CERS6: variants seen among roughly 807,000 people sequenced by gnomAD.
The protein encoded by CERS6 is ceramide synthase 6.
In CERS6, 26 loss-of-function variants were observed where a neutral mutation model predicts 56.8. The ratio of observed to expected loss-of-function variants is 0.46; its 90% CI spans 0.34 to 0.63. The LOEUF (loss-of-function observed/expected upper bound fraction) is 0.63. CERS6 is among the 30% of genes least tolerant of loss of function. The probability of loss-of-function intolerance (pLI) is 0.01; values close to 1 mark genes in which losing one functional copy is unlikely to be tolerated. For missense variants in CERS6, 415 were observed against 467.5 expected (o/e 0.89, Z 1.04); for synonymous variants, 164 against 173.3 (o/e 0.95, Z 0.42).
intron 4 of CERS6, among the ~76,000 whole-genome samples, chr2:168,653,978 A>G (rs867121535): frequency 1.3e-5 from 2 of 152,186 alleles, no homozygotes; most frequent in African/African-American, 2.4e-5. Context: ...GTCTCCCTCA[A>G]TATATAATCT....
At chr2:168,581,126 C>T (rs530355466) in intron 3 of CERS6, among the ~76,000 whole-genome samples, 1 of 151,866 alleles carries the variant, frequency 6.6e-6, no homozygotes, top group South Asian at 2.1e-4. Flanking sequence ...TCAAGCAATT[C>T]TCCTGCCTCA....
Position 168,703,473 on chromosome 2 carries a change from A to G in CERS6, c.609+8422A>G, listed in dbSNP as rs573569797. On this transcript the variant is annotated intron_variant, in intron 6 of 9. Transcript: ENST00000305747. ...CTCAGGAGGCTGAGGCAGGAGAATC[A>G]CTTGAACCCGAGAGGCGGAGATTGC... 2.5e-3 allele frequency among the ~76,000 whole-genome samples: 382 copies of G among 152,050 alleles called. 1 individual carries two copies. The highest frequency in any genetic ancestry group is 8.7e-3 in the African/African-American group (358 of 41,366).
chr2:168,757,505 C>T (rs1475617942), intron 8 of CERS6, among the ~76,000 whole-genome samples: 1 of 152,072 alleles, frequency 6.6e-6, no homozygotes, highest in Admixed American at 6.6e-5. Flanking sequence ...GCTAAGAATA[C>T]AGATAGAACT....
intron 6 of CERS6, among the ~76,000 whole-genome samples, chr2:168,712,671 A>G (rs1258286720): frequency 6.6e-6 from 1 of 152,176 alleles, no homozygotes; most frequent in African/African-American, 2.4e-5. Flanking sequence ...ACTAATTTTT[A>G]CAATCTGTAA....
chr2:168,575,390 C>T (rs193289174), intron 3 of CERS6, among the ~76,000 whole-genome samples: 5 of 152,074 alleles, frequency 3.3e-5, no homozygotes, highest in East Asian at 3.9e-4. Flanking sequence ...AAGGCAGGCA[C>T]GTCTTACATG....
chr2:168,687,636 GA>G (rs1686386335), intron 4 of CERS6, among the ~76,000 whole-genome samples: 1 of 152,178 alleles, frequency 6.6e-6, no homozygotes, highest in South Asian at 2.1e-4. Flanking sequence ...TTAAATCTGT[GA>G]AATGTTTTAT....
At chr2:168,484,167 GTTTTTTTTTTTTTTTTTT>G (rs34492119) in intron 1 of CERS6, among the ~76,000 whole-genome samples, 57 of 51,614 alleles carry the variant, frequency 1.1e-3, no homozygotes, top group Admixed American at 2.6e-3. Context: ...TCTTTTTTCT[GTTTTTTTTTTTTTTTTTT>G]TTTTTTTTTT....
intron 3 of CERS6, among the ~76,000 whole-genome samples, chr2:168,577,675 G>A (rs1018500859): frequency 6.6e-6 from 1 of 152,192 alleles, no homozygotes; most frequent in Non-Finnish European, 1.5e-5. Context: ...GCATTCATTT[G>A]TGGTAACAGG....
At chr2:168,670,979 C>A (rs60261982) in intron 4 of CERS6, among the ~76,000 whole-genome samples, 1 of 83,260 alleles carries the variant, frequency 1.2e-5, no homozygotes, top group East Asian at 3.6e-4. Context: ...CCCCCCCCCC[C>A]CAGACGGAAG....
chr2:168,525,759 T>C (rs1156522448), intron 1 of CERS6, among the ~76,000 whole-genome samples: 1 of 152,244 alleles, frequency 6.6e-6, no homozygotes, highest in Non-Finnish European at 1.5e-5. Context: ...CTTACAATTA[T>C]CACACCATCA....
chr2:168,491,575 A>T (rs1694375113), intron 1 of CERS6, among the ~76,000 whole-genome samples: 3 of 151,766 alleles, frequency 2.0e-5, no homozygotes, highest in Admixed American at 6.6e-5. Flanking sequence ...GTAGAAACTG[A>T]CTCCTTAGGG....
At chr2:168,536,101 A>G (rs1370498269) in intron 1 of CERS6, among the ~76,000 whole-genome samples, 1 of 152,194 alleles carries the variant, frequency 6.6e-6, no homozygotes, top group Non-Finnish European at 1.5e-5. Context: ...AAGTGATCCT[A>G]AATTCAAGTG....
intron 6 of CERS6, among the ~76,000 whole-genome samples, chr2:168,714,035 C>T (rs965406366): frequency 3.9e-5 from 6 of 152,128 alleles, no homozygotes; most frequent in African/African-American, 1.4e-4. Flanking sequence ...CTGGGAAGTC[C>T]AAGATCAAGG....
chr2:168,542,059 G>C (rs548715381), intron 1 of CERS6, among the ~76,000 whole-genome samples: 1 of 152,210 alleles, frequency 6.6e-6, no homozygotes, highest in African/African-American at 2.4e-5. Flanking sequence ...GCTCCAACTT[G>C]GACACTTCCC....
At chr2:168,555,321 A>G (rs1695655685) in intron 2 of CERS6, among the ~76,000 whole-genome samples, 1 of 152,036 alleles carries the variant, frequency 6.6e-6, no homozygotes, top group South Asian at 2.1e-4. Flanking sequence ...TATTTAGAAA[A>G]CATTGGTAAT....
At chr2:168,726,368 A>G (rs1434724701) in intron 8 of CERS6, among the ~76,000 whole-genome samples, 4 of 152,248 alleles carry the variant, frequency 2.6e-5, no homozygotes, top group Admixed American at 2.0e-4. Flanking sequence ...GCATTTGATG[A>G]GATACATTTT....
intron 4 of CERS6, among the ~76,000 whole-genome samples, chr2:168,687,959 T>C (rs1686398179): frequency 6.6e-6 from 1 of 152,306 alleles, no homozygotes; most frequent in East Asian, 1.9e-4. Flanking sequence ...CCACCTCATC[T>C]TCCCAAAGTG....
chr2:168,608,592 T>TGG (rs1322959717), intron 3 of CERS6, among the ~76,000 whole-genome samples: 1 of 152,258 alleles, frequency 6.6e-6, no homozygotes, highest in Admixed American at 6.5e-5. Context: ...TGTGAAGTGA[T>TGG]ATCTCATTAT....
intron 1 of CERS6, among the ~76,000 whole-genome samples, chr2:168,531,124 G>C (rs1304927311): frequency 1.3e-5 from 2 of 152,146 alleles, no homozygotes; most frequent in African/African-American, 4.8e-5. Context: ...TTCTGGAAGA[G>C]AGAAGAATGC....
Sources: allele counts gnomAD v4.1 joint callset (sites outside exome capture counted in the v4.1 genomes callset), GRCh38; gene constraint gnomAD v4.1.1; transcripts MANE v1.5; gene names NCBI Gene and HGNC (gene_info 2026-07-23, HGNC 2026-07-21).